Variants in ACAP2 observed in about 807,000 individuals in gnomAD.
ACAP2 encodes the protein ArfGAP with coiled-coil, ankyrin repeat and PH domains 2, also known as arf-GAP with coiled-coil, ANK repeat and PH domain-containing protein 2.
Under a neutral mutation model 115.8 loss-of-function variants are expected in ACAP2, and 39 were observed. The ratio of observed to expected loss-of-function variants is 0.34; its 90% CI spans 0.26 to 0.44. The LOEUF (loss-of-function observed/expected upper bound fraction) is 0.44. Ranked by LOEUF, ACAP2 falls within the 20% of genes least tolerant of loss-of-function variation. The pLI is 1.00. For synonymous variants in ACAP2, 289 were observed against 315.8 expected (o/e 0.92, Z 0.90); for missense variants, 662 against 927.6 (o/e 0.71, Z 3.72).
intron 10 of ACAP2, among the ~76,000 whole-genome samples, chr3:195,309,417 G>A (rs1031532477): frequency 1.3e-5 from 2 of 151,944 alleles, no homozygotes; most frequent in Non-Finnish European, 2.9e-5. Context: ...ATGGCAGCAG[G>A]TGCCTGTAAT....
rs776689471 is a variant in ACAP2, at chr3:195,294,782, T to C, written c.1702A>G (p.Ser568Gly). ...AAAGATTCTCTTCCATCATCAGAGCTCTGCTGAATTCCACTGTCATTACTT... is the reference window on the plus strand; with the variant it reads ...AAAGATTCTCTTCCATCATCAGAGCCCTGCTGAATTCCACTGTCATTACTT... The part of the protein sequence containing the change: ...VRSNDSGIQQ[S>G]SDDGRESLPS... The change falls in exon 18 of 23, where the codon AGC becomes GGC. Residue 568 changes from serine (S) to glycine (G), a missense_variant. Ser to Gly is a moderately conservative substitution (Grantham distance 56). Coordinates refer to ENST00000326793, the MANE Select transcript of ACAP2 (RefSeq NM_012287.6). 1 of 1,607,992 alleles carries C rather than the reference T, an allele frequency of 6.2e-7. No individual in the cohort carries two copies. The highest frequency in any genetic ancestry group is 1.7e-5 in the Admixed American group (1 of 59,872).
chr3:195,316,700 A>G (rs1332636163), intron 10 of ACAP2, among the ~76,000 whole-genome samples: 2 of 151,962 alleles, frequency 1.3e-5, no homozygotes, highest in African/African-American at 2.4e-5. Context: ...TGTCCACCAC[A>G]TGTATTATTT....
chr3:195,299,312 G>A (rs6777451), intron 15 of ACAP2, among the ~76,000 whole-genome samples: 2,048 of 152,166 alleles, frequency 0.013, 30 homozygotes, highest in African/African-American at 0.043. Flanking sequence ...GCTCATGCCT[G>A]TAATCCCAGC....
intron 4 of ACAP2, among the ~76,000 whole-genome samples, chr3:195,357,064 C>T (rs1280516948): frequency 6.6e-6 from 1 of 151,994 alleles, no homozygotes; most frequent in East Asian, 1.9e-4. Flanking sequence ...GACGGCACCT[C>T]TGGAACTACC....
intron 21 of ACAP2, among the ~76,000 whole-genome samples, chr3:195,288,025 C>T (rs190922698): frequency 9.0e-4 from 137 of 151,782 alleles, no homozygotes; most frequent in Middle Eastern, 3.4e-3. Flanking sequence ...CGCTTGAACC[C>T]GGGAGGCAGA....
chr3:195,386,707 C>T (rs539592545), intron 2 of ACAP2, among the ~76,000 whole-genome samples: 1 of 151,822 alleles, frequency 6.6e-6, no homozygotes, highest in South Asian at 2.1e-4. Flanking sequence ...CTAGATGATG[C>T]GTTGATGGGT....
intron 1 of ACAP2, among the ~76,000 whole-genome samples, chr3:195,432,007 T>C (rs577685365): frequency 1.3e-5 from 2 of 152,360 alleles, no homozygotes; most frequent in African/African-American, 4.8e-5. Context: ...GGTATGTTCT[T>C]TGAAGAAATA....
chr3:195,442,726 G>A (rs1716113667), intron 1 of ACAP2, 69 bp downstream of exon 1: 1 of 1,481,614 alleles, frequency 6.7e-7, no homozygotes, highest in Non-Finnish European at 9.1e-7. Context: ...GGGTGCGCGG[G>A]CCCGGCTTTC....
chr3:195,356,887 C>G (rs1251379408), intron 4 of ACAP2, among the ~76,000 whole-genome samples: 1 of 151,722 alleles, frequency 6.6e-6, no homozygotes, highest in Non-Finnish European at 1.5e-5. Flanking sequence ...TCAGGTGTGA[C>G]CCGGCATATT....
At chr3:195,347,416 TC>T (rs1216723350) in intron 4 of ACAP2, among the ~76,000 whole-genome samples, 2 of 152,094 alleles carry the variant, frequency 1.3e-5, no homozygotes, top group Non-Finnish European at 2.9e-5. Context: ...AAAATGTTAT[TC>T]CAAGCAAAAG....
At chr3:195,432,038 A>G (rs2108860192) in intron 1 of ACAP2, among the ~76,000 whole-genome samples, 1 of 152,284 alleles carries the variant, frequency 6.6e-6, no homozygotes, top group East Asian at 1.9e-4. Context: ...TCCTTTGCCC[A>G]TTCTTTAATT....
In ACAP2 at chr3:195,307,260, CTA is replaced by C. The variant is rs1728483531; in HGVS notation, c.971_972del (p.Ile324ArgfsTer7). On this transcript the variant is annotated frameshift_variant, in exon 12 of 23. Coordinates refer to ENST00000326793, the MANE Select transcript of ACAP2 (RefSeq NM_012287.6). LOFTEE classifies it high-confidence loss of function. ...RLCTVKHCED[I>X]ERRFCFEVVS... Reference sequence around the variant, plus strand: ...ACCACCTCAAAGCAGAATCGTCGCTCTATGTCTTCACAATGTTTCACTGTGCA... The same window carrying C: ...ACCACCTCAAAGCAGAATCGTCGCTCTGTCTTCACAATGTTTCACTGTGCA... The C allele has an allele frequency of 6.2e-7, 1 of 1,613,586 alleles. No individual in the cohort carries two copies. Among genetic ancestry groups the C allele is most frequent in the Non-Finnish European group, 8.5e-7 (1 of 1,179,658 alleles).
chr3:195,359,865 A>C (rs939989756), intron 4 of ACAP2, among the ~76,000 whole-genome samples: 2 of 152,160 alleles, frequency 1.3e-5, no homozygotes, highest in African/African-American at 2.4e-5. Flanking sequence ...CCTCATGGTA[A>C]CCTCCAATCT....
At chr3:195,420,344 T>C (rs1714076815) in intron 1 of ACAP2, among the ~76,000 whole-genome samples, 1 of 152,154 alleles carries the variant, frequency 6.6e-6, no homozygotes, top group Admixed American at 6.5e-5. Context: ...CTTTTTCTTG[T>C]TCTGTTTTGT....
chr3:195,391,857 T>G (rs1734699715), intron 2 of ACAP2, among the ~76,000 whole-genome samples: 1 of 151,620 alleles, frequency 6.6e-6, no homozygotes. Context: ...TAGCTGGGCA[T>G]GGTGGTGCAC....
chr3:195,351,441 C>CGTGTGTGTGTGTGTGT (rs56049053), intron 4 of ACAP2, among the ~76,000 whole-genome samples: 2 of 129,946 alleles, frequency 1.5e-5, no homozygotes, highest in African/African-American at 5.9e-5. Flanking sequence ...TTTTCTTTTT[C>CGTGTGTGTGTGTGTGT]GTGTGTGTGT....
chr3:195,304,390 C>T (rs943898524), intron 13 of ACAP2, among the ~76,000 whole-genome samples: 6 of 152,128 alleles, frequency 3.9e-5, no homozygotes, highest in African/African-American at 1.4e-4. Flanking sequence ...ACTAAGTACA[C>T]AAACACAGCA....
chr3:195,312,563 C>A (rs528459292), intron 10 of ACAP2, among the ~76,000 whole-genome samples: 2 of 151,972 alleles, frequency 1.3e-5, no homozygotes, highest in East Asian at 3.8e-4. Flanking sequence ...AAATCCTGGG[C>A]TCAAGTGATC....
In ACAP2 at chr3:195,302,116, T is replaced by C; in HGVS notation, c.1175A>G (p.Lys392Arg). The change falls in exon 14 of 23, where the codon AAA becomes AGA. Residue 392 changes from lysine (K) to arginine (R), a missense_variant. Physicochemically the swap from Lys to Arg is conservative, Grantham distance 26. Around this residue, in one of 3 missense-constraint regions of ACAP2, gnomAD observed 401 missense variants for 604.4 expected, o/e 0.66. Coordinates refer to ENST00000326793, the MANE Select transcript of ACAP2 (RefSeq NM_012287.6). ...ACTTTCTCCTTTCAATAATTTCTCT[T>C]TGGACTCATTTCCAGAATCTAGGCT... ...TGSLDSGNESKEKLLKGESAL... is the reference protein window; with the variant it reads ...TGSLDSGNESREKLLKGESAL... 6.2e-7 allele frequency: 1 copy of C among 1,614,132 alleles called. No individual in the cohort carries two copies. Among genetic ancestry groups the C allele is most frequent in the Non-Finnish European group, 8.5e-7 (1 of 1,180,028 alleles).
Sources: gnomAD v4.1 joint callset for allele counts (sites outside exome capture counted in the v4.1 genomes callset) on GRCh38, gnomAD v4.1.1 for gene constraint, gnomAD v4.1.1 regional missense constraint, MANE v1.5 for transcripts, NCBI Gene and HGNC (gene_info 2026-07-23, HGNC 2026-07-21) for gene names.